The following PKHD1L1 variants were observed in gnomAD, a reference collection of about 807,000 sequenced individuals.
PKHD1L1 encodes the protein fibrocystin-L.
PKHD1L1 carries 434 observed loss-of-function variants against 462.9 expected under a neutral mutation model. That is an observed-to-expected ratio of 0.94 (90% CI 0.87 to 1.02). The LOEUF is 1.02. Among genes scored for constraint, PKHD1L1 ranks in the 50% least tolerant of loss-of-function variants. The probability of loss-of-function intolerance (pLI) is 0.00; values close to 1 mark genes in which losing one functional copy is unlikely to be tolerated. For synonymous variants in PKHD1L1, 1,781 were observed against 1,750.0 expected (o/e 1.02, Z -0.44); for missense variants, 5,202 against 5,096.1 (o/e 1.02, Z -0.63).
At chr8:109,381,733 C>T (rs1227122492) in intron 3 of PKHD1L1, among the ~76,000 whole-genome samples, 7 of 151,764 alleles carry the variant, frequency 4.6e-5, no homozygotes, top group Non-Finnish European at 1.0e-4. Flanking sequence ...TGTCTTTTCC[C>T]ATGTTATTAG....
chr8:109,386,811 G>T (rs1563727288), intron 6 of PKHD1L1, among the ~76,000 whole-genome samples: 1 of 152,036 alleles, frequency 6.6e-6, no homozygotes, highest in Non-Finnish European at 1.5e-5. Flanking sequence ...GAAATAGAAA[G>T]TTTAACTTTC....
rs372811015 is a variant in PKHD1L1, at chr8:109,498,490, G to A, written c.10628G>A (p.Gly3543Glu). Residue 3543 changes from glycine (G) to glutamate (E), a missense_variant, in exon 66 of 78, where the codon GGG becomes GAG. Physicochemically the swap from Gly to Glu is moderately conservative, Grantham distance 98. This residue lies in a region of PKHD1L1 where 4,497 missense variants were observed against 4,336.8 expected (regional missense o/e 1.04). Coordinates refer to ENST00000378402, the MANE Select transcript of PKHD1L1 (RefSeq NM_177531.6). The stretch of plus-strand genomic sequence containing the variant: ...TCATTAATTGTTGGAAGTAGCCCTG[G>A]GTTTAATTGCTCTGATGTCCTAACT... The part of the protein sequence containing the change: ...KSSLIVGSSP[G>E]FNCSDVLTND... The A allele has an allele frequency of 5.6e-6, 9 of 1,612,838 alleles. No individual in the cohort carries two copies. The highest frequency in any genetic ancestry group is 7.6e-6 in the Non-Finnish European group (9 of 1,178,964).
rs372770347 is a variant in PKHD1L1 at position 109,451,121 on chromosome 8, A to G, written c.6322A>G (p.Arg2108Gly). ...GAGAGGCAGTACAGCAGGGGGCACC[A>G]GACTGACAGTCGTGGGATCAGGATT... ...PKRGSTAGGT[R>G]LTVVGSGFSE... The change falls in exon 41 of 78, where the codon AGA becomes GGA. Residue 2108 changes from arginine (R) to glycine (G), a missense_variant. Transcript: ENST00000378402. 1.2e-6 allele frequency: 2 copies of G among 1,611,660 alleles called. No individual in the cohort carries two copies. Among genetic ancestry groups the G allele is most frequent in the African/African-American group, 1.3e-5 (1 of 74,902 alleles).
In PKHD1L1 at chr8:109,372,179, T is replaced by C. The variant is rs375208329; in HGVS notation, c.163+7543T>C. 5.8e-4 allele frequency among the ~76,000 whole-genome samples: 89 copies of C among 152,314 alleles called. No homozygotes were observed. The East Asian group carries it at 0.014, about 25-fold the overall frequency. On this transcript the variant is annotated intron_variant, in intron 2 of 77. Coordinates refer to ENST00000378402, the MANE Select transcript of PKHD1L1 (RefSeq NM_177531.6). ...TTTGTTTGTATCCTCTTTTATTTCATTGAGCAGTGGTTTGTAGTTCTCCTT... is the reference window on the plus strand; with the variant it reads ...TTTGTTTGTATCCTCTTTTATTTCACTGAGCAGTGGTTTGTAGTTCTCCTT...
intron 2 of PKHD1L1, among the ~76,000 whole-genome samples, chr8:109,372,391 A>C (rs914721586): frequency 1.3e-5 from 2 of 152,182 alleles, no homozygotes; most frequent in Non-Finnish European, 2.9e-5. Context: ...TTATCAGCTT[A>C]AGGAGATTTT....
At chr8:109,500,105 A>T (rs1819325867) in intron 67 of PKHD1L1, among the ~76,000 whole-genome samples, 2 of 152,294 alleles carry the variant, frequency 1.3e-5, no homozygotes, top group South Asian at 4.1e-4. Context: ...TATCCACTTT[A>T]GTCCTCTCTT....
chr8:109,529,990 G>A, intron 77 of PKHD1L1, 90 bp from the exon 78 acceptor site: 2 of 819,388 alleles, frequency 2.4e-6, no homozygotes, highest in Non-Finnish European at 3.4e-6. Context: ...CCATAAAAAT[G>A]AGAAAAGTTA....
Position 109,530,150 on chromosome 8 carries a change from G to A in PKHD1L1, c.*60G>A. 2 of 1,063,156 alleles carry A rather than the reference G, an allele frequency of 1.9e-6. No homozygotes were observed. Among genetic ancestry groups the A allele is most frequent in the East Asian group, 3.3e-5 (1 of 30,702 alleles). 65.9% of individuals were successfully genotyped at this position (1,063,156 alleles called of 1,614,324 possible). A position where few individuals can be genotyped will look rare whatever the true frequency, so the allele number is the denominator to read the frequency against. On this transcript the variant is annotated 3_prime_UTR_variant, in exon 78 of 78. Coordinates refer to ENST00000378402, the MANE Select transcript of PKHD1L1 (RefSeq NM_177531.6). ...ATAAGAATTATTAGCTACTTTGTTG[G>A]GCAATAGGCAAAAGTCTATAGCATT...
chr8:109,388,395 G>GA lies in PKHD1L1; in HGVS notation c.570-94dup, dbSNP rs565050353. ...GTGAGGGATAATAATAAGTGATTGA[G>GA]AAAAAAAATTTAAGGGAACCAGTGA... On this transcript the variant is annotated intron_variant, in intron 6 of 77. Transcript: ENST00000378402. 1.5e-3 allele frequency: 1,270 copies of GA among 819,890 alleles called. 7 individuals carry two copies. The highest frequency in any genetic ancestry group is 2.1e-3 in the Admixed American group (85 of 40,130). The allele number at this position is 819,890 out of a possible 1,614,324, so 50.8% of individuals were successfully genotyped here. A position where few individuals can be genotyped will look rare whatever the true frequency, so the allele number is the denominator to read the frequency against.
Position 109,443,814 on chromosome 8 carries a change from T to A in PKHD1L1, c.4703T>A (p.Ile1568Lys). 6.2e-7 allele frequency: 1 copy of A among 1,613,844 alleles called. No individual in the cohort carries two copies. Among genetic ancestry groups the A allele is most frequent in the Non-Finnish European group, 8.5e-7 (1 of 1,179,772 alleles). The change falls in exon 37 of 78, where the codon ATA becomes AAA. Residue 1568 changes from isoleucine (I) to lysine (K), a missense_variant. By Grantham distance (102) the Ile-to-Lys change is moderately radical (BLOSUM62 -3). Coordinates refer to ENST00000378402, the MANE Select transcript of PKHD1L1 (RefSeq NM_177531.6). The stretch of plus-strand genomic sequence containing the variant: ...GTTTCAAGTTGTTTTTCACCATCTA[T>A]AAGCAACATTACTCCGTCCACTGGA... ...FEVSSCFSPS[I>K]SNITPSTGTV...
At chr8:109,390,515 T>G in intron 9 of PKHD1L1, 21 bp downstream of exon 9, 1 of 1,304,226 alleles carries the variant, frequency 7.7e-7, no homozygotes, top group South Asian at 1.5e-5. Flanking sequence ...TTGTAAATAA[T>G]AACTTTTATA....
intron 50 of PKHD1L1, among the ~76,000 whole-genome samples, chr8:109,472,876 G>C (rs1025755694): frequency 6.6e-6 from 1 of 152,018 alleles, no homozygotes; most frequent in Non-Finnish European, 1.5e-5. Context: ...AAGTATACTA[G>C]ATTAGTGGGA....
At chr8:109,397,721 G>A (rs375726534) in intron 11 of PKHD1L1, among the ~76,000 whole-genome samples, 4 of 152,098 alleles carry the variant, frequency 2.6e-5, no homozygotes, top group African/African-American at 9.6e-5. Context: ...ATAGTGAAAA[G>A]TATTGTCAAA....
At chr8:109,436,799 T>C (rs1176663361) in intron 30 of PKHD1L1, among the ~76,000 whole-genome samples, 4 of 152,180 alleles carry the variant, frequency 2.6e-5, no homozygotes, top group Non-Finnish European at 5.9e-5. Flanking sequence ...GAAAAGTTGA[T>C]GTCCTATCAG....
chr8:109,464,166 G>C (rs769984632), intron 48 of PKHD1L1, 50 bp from the exon 49 acceptor site: 12 of 1,269,464 alleles, frequency 9.5e-6, no homozygotes, highest in Non-Finnish European at 1.2e-5. Flanking sequence ...GAAAATATGA[G>C]CTCAACATCT....
chr8:109,424,992 T>G, intron 23 of PKHD1L1, 93 bp from the exon 24 acceptor site: 1 of 1,067,598 alleles, frequency 9.4e-7, no homozygotes, highest in East Asian at 2.8e-5. Flanking sequence ...GGCTCATTTA[T>G]GTCATGTCAC....
chr8:109,365,807 C>A (rs897083244), intron 2 of PKHD1L1, among the ~76,000 whole-genome samples: 3 of 152,160 alleles, frequency 2.0e-5, no homozygotes, highest in Non-Finnish European at 4.4e-5. Context: ...AACCCCGTCT[C>A]TACTAAAAAT....
intron 72 of PKHD1L1, 76 bp downstream of exon 72, chr8:109,515,381 A>G: frequency 8.6e-7 from 1 of 1,169,336 alleles, no homozygotes; most frequent in Non-Finnish European, 1.1e-6. Context: ...GATTATTAGT[A>G]TTTTTAATTC....
At chr8:109,523,414 T>G (rs773393724) in intron 76 of PKHD1L1, 28 bp downstream of exon 76, 2 of 1,568,130 alleles carry the variant, frequency 1.3e-6, no homozygotes, top group Admixed American at 1.7e-5. Flanking sequence ...GATCCTCACA[T>G]ATATAGCCAT....
Sources: gnomAD v4.1 joint callset for allele counts (sites outside exome capture counted in the v4.1 genomes callset) on GRCh38, gnomAD v4.1.1 for gene constraint, gnomAD v4.1.1 regional missense constraint, MANE v1.5 for transcripts, NCBI Gene and HGNC (gene_info 2026-07-23, HGNC 2026-07-21) for gene names.